Variants in DNAJB2 observed in about 807,000 individuals in gnomAD.
DNAJB2 encodes DnaJ heat shock protein family (Hsp40) member B2, also known as dnaJ homolog subfamily B member 2.
A neutral mutation model predicts 33.3 loss-of-function variants in DNAJB2; 19 were observed. The ratio of observed to expected loss-of-function variants is 0.57; its 90% CI spans 0.40 to 0.84. The LOEUF is 0.84. Among genes scored for constraint, DNAJB2 ranks in the 40% least tolerant of loss-of-function variants. The pLI is 0.00. For synonymous variants in DNAJB2, 172 were observed against 164.6 expected, an observed-to-expected ratio of 1.04 and a Z score of -0.34; for missense variants, 368 against 430.9, an observed-to-expected ratio of 0.85 and a Z score of 1.29.
intron 6 of DNAJB2, 61 bp from the exon 7 acceptor site, chr2:219,283,072 C>A: frequency 6.2e-7 from 1 of 1,602,234 alleles, no homozygotes; most frequent in Non-Finnish European, 8.5e-7. Flanking sequence ...TCGGTGACCA[C>A]AACAGGCAGC....
chr2:219,285,187 G>A lies in DNAJB2; in HGVS notation c.*200G>A, dbSNP rs1488819331. The A allele has an allele frequency of 4.0e-6, 5 of 1,262,510 alleles. No individual in the cohort carries two copies. The East Asian group carries it at 1.2e-4, about 30-fold the overall frequency. 78.2% of individuals were successfully genotyped at this position (1,262,510 alleles called of 1,614,324 possible). ...TCAGCCCAGGGCTGATAGGTCCCTG[G>A]TGAAGCCCAGGGTGGGGGGTGTCAG... On this transcript the variant is annotated 3_prime_UTR_variant, in exon 9 of 9. Transcript: ENST00000336576.
rs1951956614 is a variant in DNAJB2, at chr2:219,286,356, T to C, written c.*1369T>C. On this transcript the variant is annotated 3_prime_UTR_variant, in exon 9 of 9. Coordinates refer to ENST00000336576, the MANE Select transcript of DNAJB2 (RefSeq NM_006736.6). ...CTGTGAGATGGGGAGATTTTGTCTT[T>C]TGATTTATCCCTGTAGGGCTGGCAG... is the stretch of plus-strand genomic sequence containing the variant. 1 of 276,780 alleles carries C rather than the reference T, an allele frequency of 3.6e-6. No homozygotes were observed. The highest frequency in any genetic ancestry group is 7.1e-6 in the Non-Finnish European group (1 of 141,192). The allele number at this position is 276,780 out of a possible 1,614,324, so 17.1% of individuals were successfully genotyped here. A position where few individuals can be genotyped will look rare whatever the true frequency, so the allele number is the denominator to read the frequency against.
At chr2:219,284,502 G>A in intron 8 of DNAJB2, 130 bp from the exon 9 acceptor site, 1 of 1,182,330 alleles carries the variant, frequency 8.5e-7, no homozygotes, top group Non-Finnish European at 1.2e-6. Context: ...ACAAGCCTAG[G>A]TGCCAAAATG....
chr2:219,284,099 C>CT (rs892395313), intron 8 of DNAJB2, among the ~76,000 whole-genome samples: 5 of 152,138 alleles, frequency 3.3e-5, no homozygotes, highest in East Asian at 1.9e-4. Context: ...TTCCCATTTT[C>CT]TTTTTTTTCT....
Position 219,279,845 on chromosome 2 carries a change from C to T in DNAJB2, c.12C>T (p.Tyr4=). MAS[Y]YEILDVPRSA... ...ACTGACCAGTTGCCATGGCATCCTA[C>T]TACGAGATCCTAGACGTGCCGCGAA... is the stretch of plus-strand genomic sequence containing the variant. Residue 4 remains tyrosine, a synonymous_variant, in exon 2 of 9, where the codon TAC becomes TAT. Transcript: ENST00000336576. The surrounding 1 kb of genome is among the most constrained non-coding windows in gnomAD (Gnocchi z 4.9). The T allele has an allele frequency of 5.6e-6, 9 of 1,614,028 alleles. No homozygotes were observed. Among genetic ancestry groups the T allele is most frequent in the South Asian group, 4.4e-5 (4 of 91,088 alleles).
Position 219,285,294 on chromosome 2 carries a change from T to C in DNAJB2, c.*307T>C. 1 of 1,095,942 alleles carries C rather than the reference T, an allele frequency of 9.1e-7. No individual in the cohort carries two copies. Among genetic ancestry groups the C allele is most frequent in the Non-Finnish European group, 1.1e-6 (1 of 900,778 alleles). 67.9% of individuals were successfully genotyped at this position (1,095,942 alleles called of 1,614,324 possible). On this transcript the variant is annotated 3_prime_UTR_variant, in exon 9 of 9. Transcript: ENST00000336576. ...GGCATTAGTGGTTTGGGCTGGGCCT[T>C]TTGTGCCCTGGTACTCTGCCACCTG... is the stretch of plus-strand genomic sequence containing the variant.
In DNAJB2 at chr2:219,281,840, A is replaced by T. The variant is rs922017854; in HGVS notation, c.229+69A>T. 1.2e-5 allele frequency: 19 copies of T among 1,612,396 alleles called. No homozygotes were observed. The Admixed American group carries it at 3.2e-4, about 27-fold the overall frequency. On this transcript the variant is annotated intron_variant, in intron 4 of 8. Coordinates refer to ENST00000336576, the MANE Select transcript of DNAJB2 (RefSeq NM_006736.6). ...GGAGAGGGGCAGGGCAGATTCTTGCAATGGAGGCTCTCTCAGGCTCCTGGC... is the reference window on the plus strand; with the variant it reads ...GGAGAGGGGCAGGGCAGATTCTTGCTATGGAGGCTCTCTCAGGCTCCTGGC...
chr2:219,283,087 T>G, intron 6 of DNAJB2, 46 bp from the exon 7 acceptor site: 1 of 1,480,694 alleles, frequency 6.8e-7, no homozygotes, highest in Non-Finnish European at 9.4e-7. Flanking sequence ...GGCAGCGCAG[T>G]CTTCTTCTAA....
rs143989952 is a variant in DNAJB2, at chr2:219,282,240, C to A, written c.352+179C>A. ...AGAACCTCACGTGTGCCAGAACCCC[C>A]GTAATCCAACAGTGACACTTCACAG... On this transcript the variant is annotated intron_variant, in intron 5 of 8. Coordinates refer to ENST00000336576, the MANE Select transcript of DNAJB2 (RefSeq NM_006736.6). 4.9e-6 allele frequency: 4 copies of A among 823,678 alleles called. No individual in the cohort carries two copies. In the Admixed American group the frequency reaches 7.6e-5, roughly 16 times the overall value. 51.0% of individuals were successfully genotyped at this position (823,678 alleles called of 1,614,324 possible).
intron 3 of DNAJB2, chr2:219,281,088 T>G (rs1351687916): frequency 4.9e-6 from 1 of 205,646 alleles, no homozygotes; most frequent in Non-Finnish European, 1.0e-5. Context: ...TGAATCCAGG[T>G]CTGCCTTTTT....
intron 3 of DNAJB2, 21 bp from the exon 4 acceptor site, chr2:219,281,697 T>A: frequency 6.2e-7 from 1 of 1,613,734 alleles, no homozygotes; most frequent in Non-Finnish European, 8.5e-7. Context: ...GAGGGTGAAA[T>A]GATCTGGTCT....
In DNAJB2 at chr2:219,285,418, C is replaced by A; in HGVS notation, c.*431C>A. On this transcript the variant is annotated 3_prime_UTR_variant, in exon 9 of 9. Transcript: ENST00000336576. ...AGCAGTGCAGGCAGAGTGGAGCCTC[C>A]TGCTCTCCTGGACCAGCTGCAGACC... The A allele has an allele frequency of 9.9e-7, 1 of 1,007,588 alleles. No individual in the cohort carries two copies. Among genetic ancestry groups the A allele is most frequent in the Non-Finnish European group, 1.2e-6 (1 of 844,390 alleles). The allele number at this position is 1,007,588 out of a possible 1,614,324, so 62.4% of individuals were successfully genotyped here.
Position 219,285,905 on chromosome 2 carries a change from C to A in DNAJB2, c.*918C>A, listed in dbSNP as rs1218134313. 20 of 1,589,438 alleles carry A rather than the reference C, an allele frequency of 1.3e-5. No homozygotes were observed. ...CTCAGGGAGAGGCCATGCGGCCAGC[C>A]CAGGTCTGCATGCTGAGCCCCATCC... On this transcript the variant is annotated 3_prime_UTR_variant, in exon 9 of 9. Transcript: ENST00000336576.
chr2:219,281,621 T>TCAC, intron 3 of DNAJB2, 97 bp from the exon 4 acceptor site: 1 of 1,538,390 alleles, frequency 6.5e-7, no homozygotes. Flanking sequence ...CCGCCAAGTG[T>TCAC]CAGAGTGTCA....
rs1416581902 is a variant in DNAJB2, at chr2:219,285,214, G to A, written c.*227G>A. On this transcript the variant is annotated 3_prime_UTR_variant, in exon 9 of 9. Transcript: ENST00000336576. Reference sequence around the variant, plus strand: ...GAAGCCCAGGGTGGGGGGTGTCAGGGCAGTGGAGGGGCCCGAGGAGCCAGG... The same window carrying A: ...GAAGCCCAGGGTGGGGGGTGTCAGGACAGTGGAGGGGCCCGAGGAGCCAGG... 1.6e-6 allele frequency: 2 copies of A among 1,241,612 alleles called. No individual in the cohort carries two copies. Among genetic ancestry groups the A allele is most frequent in the Non-Finnish European group, 2.0e-6 (2 of 991,900 alleles). The allele number at this position is 1,241,612 out of a possible 1,614,324, so 76.9% of individuals were successfully genotyped here. A position where few individuals can be genotyped will look rare whatever the true frequency, so the allele number is the denominator to read the frequency against.
intron 2 of DNAJB2, 178 bp downstream of exon 2, chr2:219,280,076 A>G: frequency 3.1e-6 from 2 of 641,016 alleles, no homozygotes; most frequent in East Asian, 5.6e-5. Flanking sequence ...TACAAGGAGA[A>G]CGTCCAGAGA....
At position 219,279,557 on chromosome 2, in the gene DNAJB2, T is replaced by G; in HGVS notation, c.-37+39T>G. On this transcript the variant is annotated intron_variant, in intron 1 of 8. Transcript: ENST00000336576. The surrounding 1 kb of genome is among the most constrained non-coding windows in gnomAD (Gnocchi z 4.9). ...CCCGGGTCAGGCTGGGGGCCCTGGA[T>G]CGGACTGCTGGAGTTGGGGGGCCCC... 1 of 418,394 alleles carries G rather than the reference T, an allele frequency of 2.4e-6. No individual in the cohort carries two copies. Among genetic ancestry groups the G allele is most frequent in the Non-Finnish European group, 4.4e-6 (1 of 229,744 alleles). The allele number at this position is 418,394 out of a possible 1,614,324, so 25.9% of individuals were successfully genotyped here.
Position 219,286,365 on chromosome 2 carries a change from C to T in DNAJB2, c.*1378C>T, listed in dbSNP as rs970188871. ...GGGGAGATTTTGTCTTTTGATTTAT[C>T]CCTGTAGGGCTGGCAGGGTTGTAGA... On this transcript the variant is annotated 3_prime_UTR_variant, in exon 9 of 9. Transcript: ENST00000336576. 4 of 243,764 alleles carry T rather than the reference C, an allele frequency of 1.6e-5. No homozygotes were observed. The highest frequency in any genetic ancestry group is 3.3e-5 in the Non-Finnish European group (4 of 121,716). The allele number at this position is 243,764 out of a possible 1,614,324, so 15.1% of individuals were successfully genotyped here. A position where few individuals can be genotyped will look rare whatever the true frequency, so the allele number is the denominator to read the frequency against.
At chr2:219,282,799 C>A in intron 5 of DNAJB2, 38 bp from the exon 6 acceptor site, 1 of 1,516,456 alleles carries the variant, frequency 6.6e-7, no homozygotes, top group East Asian at 2.3e-5. Flanking sequence ...GGGGAAATGT[C>A]ATTACCAGAT....
Sources: gnomAD v4.1 joint callset for allele counts (sites outside exome capture counted in the v4.1 genomes callset) on GRCh38, gnomAD v4.1.1 for gene constraint, Gnocchi (gnomAD v3.1) non-coding constraint, MANE v1.5 for transcripts, NCBI Gene and HGNC (gene_info 2026-07-23, HGNC 2026-07-21) for gene names.